Variants in TUSC3 observed in about 807,000 individuals in gnomAD.
TUSC3 encodes the protein tumor suppressor candidate 3.
In TUSC3, 45 loss-of-function variants were observed where a neutral mutation model predicts 44.8. That is an observed-to-expected ratio of 1.00 (90% CI 0.79 to 1.29). The LOEUF (loss-of-function observed/expected upper bound fraction) is 1.29, where lower values mean the gene tolerates loss of function less well. TUSC3 is among the 50% of genes most tolerant of loss of function. The pLI, the probability that TUSC3 is intolerant of heterozygous loss-of-function variation, is 0.00. For missense variants in TUSC3, 519 were observed against 437.9 expected, an observed-to-expected ratio of 1.19 and a Z score of -1.65; for synonymous variants, 212 against 152.9, an observed-to-expected ratio of 1.39 and a Z score of -2.85.
intron 2 of TUSC3, among the ~76,000 whole-genome samples, chr8:15,640,462 G>T (rs1806314012): frequency 6.6e-6 from 1 of 152,196 alleles, no homozygotes. Context: ...TGATGGTACT[G>T]GGGACGCCCA....
chr8:15,683,800 G>T (rs986950422), intron 6 of TUSC3, among the ~76,000 whole-genome samples: 1 of 152,016 alleles, frequency 6.6e-6, no homozygotes, highest in Non-Finnish European at 1.5e-5. Flanking sequence ...GTTTTGTTGG[G>T]GCTTTTTATT....
chr8:15,759,218 T>G (rs1238013156), intron 10 of TUSC3, among the ~76,000 whole-genome samples: 1 of 152,140 alleles, frequency 6.6e-6, no homozygotes, highest in Non-Finnish European at 1.5e-5. Flanking sequence ...TGCACCTTTT[T>G]TGGATACCAA....
At chr8:15,782,442 G>T in the TUSC3 span, among the ~76,000 whole-genome samples, 1 of 152,118 alleles carries the variant, frequency 6.6e-6, no homozygotes, top group Non-Finnish European at 1.5e-5. Context: ...ATGCACCACT[G>T]CACTCGAGCC....
chr8:15,574,106 C>T (rs115907483), intron 1 of TUSC3, among the ~76,000 whole-genome samples: 245 of 152,190 alleles, frequency 1.6e-3, no homozygotes, highest in African/African-American at 5.7e-3. Context: ...CAGCATTCAC[C>T]GTCAAGGGAA....
chr8:15,463,111 T>G (rs1800368971), intron 1 of TUSC3, among the ~76,000 whole-genome samples: 1 of 152,192 alleles, frequency 6.6e-6, no homozygotes, highest in South Asian at 2.1e-4. Flanking sequence ...TCTCTCTGTT[T>G]TTCTGGTTTA....
At chr8:15,431,130 T>C (rs1201648800) in intron 1 of TUSC3, among the ~76,000 whole-genome samples, 1 of 151,782 alleles carries the variant, frequency 6.6e-6, no homozygotes, top group Admixed American at 6.6e-5. Flanking sequence ...TGGCTCCAGA[T>C]TTGTTTATTT....
chr8:15,622,692 G>C (rs922739012), intron 1 of TUSC3, among the ~76,000 whole-genome samples: 1 of 152,064 alleles, frequency 6.6e-6, no homozygotes, highest in Middle Eastern at 3.2e-3. Flanking sequence ...TTTTGTTGTT[G>C]TTTTGTTTTC....
At chr8:15,457,708 A>T (rs1439745475) in intron 1 of TUSC3, among the ~76,000 whole-genome samples, 1 of 149,238 alleles carries the variant, frequency 6.7e-6, no homozygotes, top group Non-Finnish European at 1.5e-5. Flanking sequence ...AATTTATTAG[A>T]TAAATAATAA....
intron 2 of TUSC3, among the ~76,000 whole-genome samples, chr8:15,496,519 G>A (rs947788885): frequency 1.1e-4 from 16 of 152,280 alleles, no homozygotes; most frequent in African/African-American, 3.9e-4. Context: ...TGCTGTCCTA[G>A]CTTCTGATAC....
rs1554481302 is a variant in TUSC3 at position 15,720,233 on chromosome 8, C to CACACCCAG, written c.799-10432_799-10431insCACCCAGA. On this transcript the variant is annotated intron_variant, in intron 6 of 10. Coordinates refer to ENST00000503731, the MANE Select transcript of TUSC3 (RefSeq NM_006765.4). ...ACACACACACACACACACACACACA[C>CACACCCAG]AGAGAGAACATTTCTCATATACCTT... Among the ~76,000 whole-genome samples, 371 of 147,322 alleles carry CACACCCAG rather than the reference C, an allele frequency of 2.5e-3. 7 individuals are homozygous for CACACCCAG. The highest frequency in any genetic ancestry group is 0.021 in the East Asian group (103 of 4,934).
chr8:15,762,991 T>C (rs1812217961), intron 10 of TUSC3, among the ~76,000 whole-genome samples: 2 of 152,208 alleles, frequency 1.3e-5, no homozygotes, highest in South Asian at 4.1e-4. Context: ...TGCATCCTGA[T>C]ATCACCACAT....
At chr8:15,482,043 A>G (rs1255655756) in intron 1 of TUSC3, among the ~76,000 whole-genome samples, 1 of 152,212 alleles carries the variant, frequency 6.6e-6, no homozygotes, top group Non-Finnish European at 1.5e-5. Flanking sequence ...ACTTGAAATC[A>G]TTTGTTGTCA....
chr8:15,440,428 A>T (rs1343804449), intron 1 of TUSC3, among the ~76,000 whole-genome samples: 1 of 152,182 alleles, frequency 6.6e-6, no homozygotes, highest in Non-Finnish European at 1.5e-5. Flanking sequence ...TTTTCACAAG[A>T]GCAATGGGAA....
downstream of TUSC3, among the ~76,000 whole-genome samples, chr8:15,768,616 AAAT>A (rs1376776225): frequency 6.6e-6 from 1 of 152,134 alleles, no homozygotes; most frequent in Non-Finnish European, 1.5e-5. Flanking sequence ...AAAGAGATAA[AAAT>A]TATAAAAAGG....
At chr8:15,738,827 C>CTTTTTTTTTTCTTTCTTTCTTTTTT (rs1373248681) in intron 7 of TUSC3, among the ~76,000 whole-genome samples, 2 of 87,172 alleles carry the variant, frequency 2.3e-5, no homozygotes, top group Non-Finnish European at 4.2e-5. Flanking sequence ...ATATATCTTG[C>CTTTTTTTTTTCTTTCTTTCTTTTTT]TTTTTTTTTT....
At chr8:15,592,628 A>C (rs77528790) in intron 1 of TUSC3, among the ~76,000 whole-genome samples, 4,668 of 152,290 alleles carry the variant, frequency 0.031, 231 homozygotes, top group East Asian at 0.23. Flanking sequence ...CTGAGGCCTC[A>C]TCAGAAGCCA....
the TUSC3 span, among the ~76,000 whole-genome samples, chr8:15,846,547 G>A: frequency 5.9e-5 from 9 of 152,212 alleles, no homozygotes; most frequent in South Asian, 6.2e-4. Context: ...ATGAGTTCAC[G>A]TCCTTTGCAG....
the TUSC3 span, among the ~76,000 whole-genome samples, chr8:15,790,677 C>T: frequency 0.012 from 1,822 of 152,156 alleles, 24 homozygotes; most frequent in Middle Eastern, 0.048. Flanking sequence ...GTAGAGGTAC[C>T]GGTGCAATGT....
chr8:15,691,857 C>G (rs1203107067), intron 6 of TUSC3, among the ~76,000 whole-genome samples: 2 of 152,000 alleles, frequency 1.3e-5, no homozygotes, highest in African/African-American at 4.8e-5. Context: ...TGGCTCTTTG[C>G]AACCTCTGCC....
Sources: gnomAD v4.1 joint callset for allele counts (sites outside exome capture counted in the v4.1 genomes callset) on GRCh38, gnomAD v4.1.1 for gene constraint, MANE v1.5 for transcripts, NCBI Gene and HGNC (gene_info 2026-07-23, HGNC 2026-07-21) for gene names.